RPS6KA2: variants seen among roughly 807,000 people sequenced by gnomAD.
The protein encoded by RPS6KA2 is ribosomal protein S6 kinase A2, also known as ribosomal protein S6 kinase alpha-2.
In RPS6KA2, 42 loss-of-function variants were observed where a neutral mutation model predicts 91.8. The ratio of observed to expected loss-of-function variants is 0.46; its 90% CI spans 0.36 to 0.59. The LOEUF is 0.59. Among genes scored for constraint, RPS6KA2 ranks in the 20% least tolerant of loss-of-function variants. RPS6KA2 has a pLI of 0.00. For missense variants in RPS6KA2, 798 were observed against 978.5 expected, an observed-to-expected ratio of 0.82 and a Z score of 2.46; for synonymous variants, 414 against 393.6, an observed-to-expected ratio of 1.05 and a Z score of -0.61.
At position 166,639,792 on chromosome 6, in the gene RPS6KA2, G is replaced by A. The variant is rs1019181430; in HGVS notation, c.124-101008C>T. 1.1e-4 allele frequency among the ~76,000 whole-genome samples: 16 copies of A among 151,936 alleles called. No homozygotes were observed. Among genetic ancestry groups the A allele is most frequent in the Non-Finnish European group, 1.9e-4 (13 of 67,996 alleles). On this transcript the variant is annotated intron_variant, in intron 2 of 21. Coordinates refer to the RPS6KA2 transcript ENST00000503859. The surrounding 1 kb of genome is among the most constrained non-coding windows in gnomAD (Gnocchi z 4.2). ...CAGCATTGCTCCAGGAAGCCACACC[G>A]AGATCACTCCACCCCACAGGCCCTG...
rs75737490 is a variant in RPS6KA2 at position 166,635,887 on chromosome 6, G to A, written c.124-97103C>T. Among the ~76,000 whole-genome samples the A allele has an allele frequency of 1.3e-4, 20 of 152,198 alleles. No homozygotes were observed. The highest frequency in any genetic ancestry group is 7.7e-4 in the East Asian group (4 of 5,176). ...AAGTCTGACCCTGCTCGTCTTCTGC[G>A]TCCACTCCAGGACAAGCCACCAACC... On this transcript the variant is annotated intron_variant, in intron 2 of 21. Coordinates refer to the RPS6KA2 transcript ENST00000503859. The surrounding 1 kb of genome is among the most constrained non-coding windows in gnomAD (Gnocchi z 4.8).
intron 2 of RPS6KA2, among the ~76,000 whole-genome samples, chr6:166,783,511 CTAGA>C (rs1044012576): frequency 1.8e-4 from 27 of 152,180 alleles, no homozygotes; most frequent in South Asian, 1.5e-3. Context: ...CTGTCTCTCT[CTAGA>C]TAGACAGATA....
At chr6:166,571,915 C>T (rs973337298) in intron 1 of RPS6KA2, among the ~76,000 whole-genome samples, 8 of 152,012 alleles carry the variant, frequency 5.3e-5, no homozygotes, top group South Asian at 2.1e-4. Context: ...TCTGTGTAAA[C>T]GTGCCATGTT....
At chr6:166,556,840 A>G (rs768304238) in intron 1 of RPS6KA2, among the ~76,000 whole-genome samples, 15 of 152,222 alleles carry the variant, frequency 9.9e-5, no homozygotes, top group Non-Finnish European at 1.5e-5. Flanking sequence ...CAACAAAAAA[A>G]ACTTGTCAGG....
rs182741079 is a variant in RPS6KA2, at chr6:166,484,449, G to A, written c.907+4384C>T. ...CCTTCCTTACGGTGCCATATGTCAC[G>A]AGTGCCATGAGACAGGGTTCCAGTC... On this transcript the variant is annotated intron_variant, in intron 10 of 20. Transcript: ENST00000265678. Among the ~76,000 whole-genome samples the A allele has an allele frequency of 5.3e-5, 8 of 152,290 alleles. No individual in the cohort carries two copies. The South Asian group carries it at 6.2e-4, about 12-fold the overall frequency.
chr6:166,685,643 G>A (rs1788988970), intron 2 of RPS6KA2, among the ~76,000 whole-genome samples: 1 of 152,140 alleles, frequency 6.6e-6, no homozygotes, highest in Non-Finnish European at 1.5e-5. Flanking sequence ...CTGCATCCCA[G>A]CTTTTGAAAG....
intron 2 of RPS6KA2, among the ~76,000 whole-genome samples, chr6:166,775,048 C>T (rs1302047750): frequency 1.3e-5 from 2 of 152,102 alleles, no homozygotes; most frequent in African/African-American, 4.8e-5. Flanking sequence ...TCAGCATCAT[C>T]AGAGTTCCGT....
intron 2 of RPS6KA2, among the ~76,000 whole-genome samples, chr6:166,682,251 C>T (rs532383290): frequency 1.3e-5 from 2 of 152,342 alleles, no homozygotes; most frequent in Middle Eastern, 6.8e-3. Context: ...AAAATAAAGA[C>T]TCATGCGTCA....
chr6:166,514,409 T>C (rs1200815733), intron 3 of RPS6KA2, among the ~76,000 whole-genome samples: 1 of 152,100 alleles, frequency 6.6e-6, no homozygotes, highest in Non-Finnish European at 1.5e-5. Flanking sequence ...GGAAACAGCC[T>C]GGGAGGTTTT....
rs535605362 is a variant in RPS6KA2, at chr6:166,453,962, C to T, written c.1076-2729G>A. Among the ~76,000 whole-genome samples the T allele has an allele frequency of 1.4e-4, 22 of 152,336 alleles. No homozygotes were observed. The East Asian group carries it at 3.7e-3, about 25-fold the overall frequency. ...AACAACTCACACGTGGAAAGTCAAA[C>T]ATCGCATGTTCTCACTCATAAGTGG... is the stretch of plus-strand genomic sequence containing the variant. On this transcript the variant is annotated intron_variant, in intron 12 of 20. Transcript: ENST00000265678.
At chr6:166,597,885 C>A (rs1163732367) in intron 1 of RPS6KA2, among the ~76,000 whole-genome samples, 1 of 152,182 alleles carries the variant, frequency 6.6e-6, no homozygotes, top group Non-Finnish European at 1.5e-5. Context: ...CCCAGCCGGG[C>A]ACCGTGCTAT....
chr6:166,504,281 G>T (rs1782121227), intron 6 of RPS6KA2, among the ~76,000 whole-genome samples: 1 of 152,130 alleles, frequency 6.6e-6, no homozygotes, highest in Admixed American at 6.6e-5. Context: ...TGAGTGTCAG[G>T]TGAGAATGGG....
chr6:166,502,547 G>A (rs1475647944), intron 6 of RPS6KA2, among the ~76,000 whole-genome samples: 2 of 152,230 alleles, frequency 1.3e-5, no homozygotes, highest in Non-Finnish European at 2.9e-5. Flanking sequence ...CACGGGGAGT[G>A]TGTCTAACAC....
rs1785842410 is a variant in RPS6KA2, at chr6:166,603,864, C to T, written c.99+23057G>A. ...AGCCAAAGACCCCCTCAGCACCCAC[C>T]AAACGGGCAATCGAGGTTGTTTTAG... On this transcript the variant is annotated intron_variant, in intron 1 of 20. Transcript: ENST00000265678. This position sits in a 1 kb window ranked among gnomAD's most constrained non-coding sequence, Gnocchi z 4.3. Among the ~76,000 whole-genome samples the T allele has an allele frequency of 6.6e-6, 1 of 152,178 alleles. No individual in the cohort carries two copies. Among genetic ancestry groups the T allele is most frequent in the Non-Finnish European group, 1.5e-5 (1 of 68,030 alleles).
At chr6:166,855,847 C>G (rs1365757332) in intron 2 of RPS6KA2, among the ~76,000 whole-genome samples, 2 of 152,196 alleles carry the variant, frequency 1.3e-5, no homozygotes, top group East Asian at 3.8e-4. Flanking sequence ...CTCCTAAAAT[C>G]TGTTTGGAAC....
chr6:166,805,418 C>T (rs1191883055), intron 2 of RPS6KA2, among the ~76,000 whole-genome samples: 2 of 152,162 alleles, frequency 1.3e-5, no homozygotes, highest in African/African-American at 2.4e-5. Context: ...AAAGAATCGG[C>T]ACATTTTTTC....
At chr6:166,604,555 T>C (rs530588353) in intron 1 of RPS6KA2, among the ~76,000 whole-genome samples, 28 of 152,048 alleles carry the variant, frequency 1.8e-4, no homozygotes, top group African/African-American at 6.0e-4. Flanking sequence ...CTGGGGGAGG[T>C]GGCATCCAGG....
intron 2 of RPS6KA2, among the ~76,000 whole-genome samples, chr6:166,760,379 A>G (rs1778133573): frequency 6.6e-6 from 1 of 152,238 alleles, no homozygotes; most frequent in South Asian, 2.1e-4. Flanking sequence ...TCCAAAGGAA[A>G]AATACCCAAG....
intron 2 of RPS6KA2, among the ~76,000 whole-genome samples, chr6:166,803,402 T>A (rs1243588499): frequency 6.6e-6 from 1 of 152,242 alleles, no homozygotes; most frequent in East Asian, 1.9e-4. Flanking sequence ...TAGTTTTGTT[T>A]TGGTAAACAA....
Sources: gnomAD v4.1 joint callset for allele counts (sites outside exome capture counted in the v4.1 genomes callset) on GRCh38, gnomAD v4.1.1 for gene constraint, Gnocchi (gnomAD v3.1) non-coding constraint, MANE v1.5 for transcripts, NCBI Gene and HGNC (gene_info 2026-07-23, HGNC 2026-07-21) for gene names.